HMGA2: variants seen among roughly 807,000 people sequenced by gnomAD.
HMGA2 encodes high mobility group AT-hook 2.
Under a neutral mutation model 19.1 loss-of-function variants are expected in HMGA2, and 8 were observed. That is an observed-to-expected ratio of 0.42 (90% CI 0.25 to 0.76). The LOEUF (loss-of-function observed/expected upper bound fraction) is 0.76. Ranked by LOEUF, HMGA2 falls within the 30% of genes least tolerant of loss-of-function variation. The probability of loss-of-function intolerance (pLI) is 0.28; values close to 1 mark genes in which losing one functional copy is unlikely to be tolerated. For synonymous variants in HMGA2, 60 were observed against 48.8 expected (o/e 1.23, Z -0.96); for missense variants, 109 against 136.3 (o/e 0.80, Z 1.00).
chr12:65,898,810 C>T (rs1356491487), intron 3 of HMGA2, among the ~76,000 whole-genome samples: 9 of 151,934 alleles, frequency 5.9e-5, no homozygotes, highest in Non-Finnish European at 1.2e-4. Flanking sequence ...TTTGGGAGGC[C>T]GAGGCAGGCA....
At chr12:65,890,041 C>T (rs968287601) in intron 3 of HMGA2, among the ~76,000 whole-genome samples, 2 of 152,090 alleles carry the variant, frequency 1.3e-5, no homozygotes, top group African/African-American at 2.4e-5. Flanking sequence ...ACAACAACAT[C>T]GTCAACTCAC....
intron 3 of HMGA2, among the ~76,000 whole-genome samples, chr12:65,945,096 A>AG (rs1876217759): frequency 6.6e-6 from 1 of 151,742 alleles, no homozygotes; most frequent in East Asian, 1.9e-4. Context: ...GAGGGGCCTC[A>AG]GGGGCATCCT....
chr12:65,841,717 T>C (rs963885424), intron 3 of HMGA2, among the ~76,000 whole-genome samples: 1 of 152,244 alleles, frequency 6.6e-6, no homozygotes, highest in African/African-American at 2.4e-5. Flanking sequence ...CCTTTTATTC[T>C]TGTGGGATAT....
intron 3 of HMGA2, among the ~76,000 whole-genome samples, chr12:65,870,036 G>T (rs1037358594): frequency 6.6e-6 from 1 of 151,714 alleles, no homozygotes; most frequent in African/African-American, 2.4e-5. Context: ...AAAAAGTAGT[G>T]CACAATATTC....
intron 3 of HMGA2, among the ~76,000 whole-genome samples, chr12:65,931,088 A>G (rs1875690750): frequency 6.6e-6 from 1 of 152,112 alleles, no homozygotes; most frequent in South Asian, 2.1e-4. Flanking sequence ...CGTTGAGCTG[A>G]AGGTAAAAGA....
chr12:65,876,950 G>A (rs898071286), intron 3 of HMGA2: 3 of 152,540 alleles, frequency 2.0e-5, no homozygotes, highest in African/African-American at 7.2e-5. Context: ...GGGTGGATGT[G>A]GGGGGTGTGA....
At chr12:65,856,780 A>C (rs1473226629) in intron 3 of HMGA2, 1 of 152,302 alleles carries the variant, frequency 6.6e-6, no homozygotes. Context: ...CTTGGCTTTT[A>C]GATGCATTGC....
chr12:65,937,293 A>C (rs1164085249), intron 3 of HMGA2, among the ~76,000 whole-genome samples: 2 of 152,136 alleles, frequency 1.3e-5, no homozygotes, highest in Non-Finnish European at 2.9e-5. Flanking sequence ...TCAATAGACA[A>C]CTTGTTCCTA....
chr12:65,913,728 T>A (rs891961533), intron 3 of HMGA2, among the ~76,000 whole-genome samples: 4 of 152,188 alleles, frequency 2.6e-5, no homozygotes, highest in African/African-American at 9.7e-5. Context: ...AGCTCATGAC[T>A]TCTCTGAACG....
chr12:65,936,200 T>C (rs571351488), intron 3 of HMGA2, among the ~76,000 whole-genome samples: 1 of 138,222 alleles, frequency 7.2e-6, no homozygotes, highest in East Asian at 2.0e-4. Context: ...CTGTAAATCT[T>C]TTGTTCCATT....
chr12:65,848,999 C>A (rs1221643286), intron 3 of HMGA2, among the ~76,000 whole-genome samples: 2 of 152,222 alleles, frequency 1.3e-5, no homozygotes, highest in African/African-American at 4.8e-5. Flanking sequence ...GAGATAATAA[C>A]TGTATGTGCA....
At position 65,898,112 on chromosome 12, in the gene HMGA2, C is replaced by T. The variant is rs950792938; in HGVS notation, c.250-53271C>T. On this transcript the variant is annotated intron_variant, in intron 3 of 4. Coordinates refer to ENST00000403681, the MANE Select transcript of HMGA2 (RefSeq NM_003483.6). ...GTATGTATTTTAATATGAGTTTCAG[C>T]CTCCAACTAAATAACAAACAGGACA... Among the ~76,000 whole-genome samples, 10 of 152,260 alleles carry T rather than the reference C, an allele frequency of 6.6e-5. No homozygotes were observed. The East Asian group carries it at 1.2e-3, about 18-fold the overall frequency.
chr12:65,903,955 A>G (rs1874477513), intron 3 of HMGA2, among the ~76,000 whole-genome samples: 1 of 152,228 alleles, frequency 6.6e-6, no homozygotes, highest in Non-Finnish European at 1.5e-5. Flanking sequence ...GGAGATAAAG[A>G]GGTAATGTTT....
intron 3 of HMGA2, among the ~76,000 whole-genome samples, chr12:65,908,253 T>A (rs1464566157): frequency 1.3e-5 from 2 of 152,212 alleles, no homozygotes; most frequent in Non-Finnish European, 2.9e-5. Flanking sequence ...GTATACAGGC[T>A]GGGTTTCCCC....
intron 3 of HMGA2, among the ~76,000 whole-genome samples, chr12:65,923,500 G>A (rs1875394052): frequency 6.6e-6 from 1 of 152,296 alleles, no homozygotes; most frequent in South Asian, 2.1e-4. Flanking sequence ...ACAGTAGTGA[G>A]CTCCCCTTGC....
intron 3 of HMGA2, chr12:65,914,721 C>T (rs538558976): frequency 3.1e-6 from 1 of 323,644 alleles, no homozygotes; most frequent in African/African-American, 2.1e-5. Context: ...GTTGCTCAGG[C>T]TGGAGTGCAG....
intron 3 of HMGA2, among the ~76,000 whole-genome samples, chr12:65,870,051 T>C (rs1014677899): frequency 1.3e-5 from 2 of 152,168 alleles, no homozygotes; most frequent in African/African-American, 2.4e-5. Context: ...ATATTCCAGC[T>C]ATATTCAATA....
chr12:65,914,581 C>A, intron 3 of HMGA2: 1 of 226,888 alleles, frequency 4.4e-6, no homozygotes, highest in South Asian at 7.4e-5. Flanking sequence ...CAGCACGGCA[C>A]ATGTATACAT....
chr12:65,858,781 C>T, intron 3 of HMGA2: 1 of 152,210 alleles, frequency 6.6e-6, no homozygotes, highest in South Asian at 2.1e-4. Context: ...ATCTCGCTCA[C>T]TGTGCTTCTT....
Sources: gnomAD v4.1 joint callset for allele counts (sites outside exome capture counted in the v4.1 genomes callset) on GRCh38, gnomAD v4.1.1 for gene constraint, MANE v1.5 for transcripts, NCBI Gene and HGNC (gene_info 2026-07-23, HGNC 2026-07-21) for gene names.